CLDN8: variants seen among roughly 807,000 people sequenced by gnomAD.
CLDN8 encodes claudin-8.
A neutral mutation model predicts 2.2 loss-of-function variants in CLDN8; 2 were observed. The observed-to-expected ratio is 0.90, with a 90% CI of 0.37 to 2.82. The LOEUF is 2.82. Ranked by LOEUF, CLDN8 falls within the 30% of genes most tolerant of loss-of-function variation. The probability of loss-of-function intolerance (pLI) is 0.10; values close to 1 mark genes in which losing one functional copy is unlikely to be tolerated. For missense variants in CLDN8, 314 were observed against 280.5 expected (o/e 1.12, Z -0.85); for synonymous variants, 107 against 104.8 (o/e 1.02, Z -0.13).
At position 30,215,784 on chromosome 21, in the gene CLDN8, C is replaced by T; in HGVS notation, c.142G>A (p.Glu48Lys). The T allele has an allele frequency of 1.2e-6, 2 of 1,614,096 alleles. No individual in the cohort carries two copies. The highest frequency in any genetic ancestry group is 1.7e-6 in the Non-Finnish European group (2 of 1,180,000). The change falls in exon 1 of 1, where the codon GAA becomes AAA. Residue 48 changes from glutamate (E) to lysine (K), a missense_variant. Coordinates refer to ENST00000399899, the MANE Select transcript of CLDN8 (RefSeq NM_199328.3). ...NNIVVFENFW[E>K]GLWMNCVRQA... ...CTCACGCAATTCATCCACAGTCCTT[C>T]CCAGAAGTTTTCAAAAACCACGATG...
Position 30,214,214 on chromosome 21 carries a change from A to T in CLDN8, c.*1034T>A, listed in dbSNP as rs776080253. ...AAGAAGGAAATTTATTTTTCACAGA[A>T]CAAAAATGACAATTTTGACTCAGGT... On this transcript the variant is annotated 3_prime_UTR_variant, in exon 1 of 1. Transcript: ENST00000399899. The T allele has an allele frequency of 5.3e-5, 8 of 152,150 alleles. No homozygotes were observed. The highest frequency in any genetic ancestry group is 1.0e-4 in the Non-Finnish European group (7 of 67,990). The allele number at this position is 152,150 out of a possible 1,614,324, so 9.4% of individuals were successfully genotyped here. A position where few individuals can be genotyped will look rare whatever the true frequency, so the allele number is the denominator to read the frequency against.
Position 30,215,588 on chromosome 21 carries a change from T to A in CLDN8, c.338A>T (p.Lys113Met). Residue 113 changes from lysine to methionine, a missense_variant, in exon 1 of 1, where the codon AAG becomes ATG. Lys to Met is a moderately conservative substitution (Grantham distance 95, BLOSUM62 -1). Transcript: ENST00000399899. ...CGTCAGCAGAATGTGAGCCTTCACC[T>A]TCTCATTGTCCCCCGTGCACCTGGT... Reference protein sequence around the residue: ...KCTRCTGDNEKVKAHILLTAG... With the variant: ...KCTRCTGDNEMVKAHILLTAG... 6.2e-7 allele frequency: 1 copy of A among 1,614,114 alleles called. No individual in the cohort carries two copies. The highest frequency in any genetic ancestry group is 1.1e-5 in the South Asian group (1 of 91,076).
rs1601032795 is a variant in CLDN8 at position 30,214,604 on chromosome 21, C to A, written c.*644G>T. 3 of 152,094 alleles carry A rather than the reference C, an allele frequency of 2.0e-5. No individual in the cohort carries two copies. In the East Asian group the frequency reaches 5.8e-4, roughly 29 times the overall value. 9.4% of individuals were successfully genotyped at this position (152,094 alleles called of 1,614,324 possible). On this transcript the variant is annotated 3_prime_UTR_variant, in exon 1 of 1. Coordinates refer to ENST00000399899, the MANE Select transcript of CLDN8 (RefSeq NM_199328.3). ...AATTTAATACACAAGAAAAAAAAAG[C>A]CTCTGGGAGAAGAGGATAAAGAAGT...
Position 30,215,219 on chromosome 21 carries a change from T to G in CLDN8, c.*29A>C, listed in dbSNP as rs747039686. The G allele has an allele frequency of 6.9e-6, 11 of 1,590,688 alleles. No homozygotes were observed. Among genetic ancestry groups the G allele is most frequent in the Non-Finnish European group, 9.5e-6 (11 of 1,162,238 alleles). On this transcript the variant is annotated 3_prime_UTR_variant, in exon 1 of 1. Coordinates refer to ENST00000399899, the MANE Select transcript of CLDN8 (RefSeq NM_199328.3). ...ATAGATTTTTGTCATTTGCATGGCT[T>G]TATAGTAAAGTTAAAAAAACATACA... is the stretch of plus-strand genomic sequence containing the variant.
At position 30,215,762 on chromosome 21, in the gene CLDN8, A is replaced by C. The variant is rs796717455; in HGVS notation, c.164T>G (p.Val55Gly). The part of the protein sequence containing the change: ...NFWEGLWMNC[V>G]RQANIRMQCK... ...CTGCATCCTGATGTTAGCCTGCCTCACGCAATTCATCCACAGTCCTTCCCA... is the reference window on the plus strand; with the variant it reads ...CTGCATCCTGATGTTAGCCTGCCTCCCGCAATTCATCCACAGTCCTTCCCA... The change falls in exon 1 of 1, where the codon GTG (valine) becomes GGG (glycine). Residue 55 changes from valine to glycine, a missense_variant. Transcript: ENST00000399899. The C allele has an allele frequency of 1.2e-6, 2 of 1,614,096 alleles. No homozygotes were observed. Among genetic ancestry groups the C allele is most frequent in the Non-Finnish European group, 1.7e-6 (2 of 1,180,002 alleles).
In CLDN8 at chr21:30,214,885, A is replaced by G. The variant is rs1167823031; in HGVS notation, c.*363T>C. 2 of 187,446 alleles carry G rather than the reference A, an allele frequency of 1.1e-5. No homozygotes were observed. The highest frequency in any genetic ancestry group is 1.1e-4 in the Admixed American group (2 of 18,740). 11.6% of individuals were successfully genotyped at this position (187,446 alleles called of 1,614,324 possible). A position where few individuals can be genotyped will look rare whatever the true frequency, so the allele number is the denominator to read the frequency against. On this transcript the variant is annotated 3_prime_UTR_variant, in exon 1 of 1. Coordinates refer to ENST00000399899, the MANE Select transcript of CLDN8 (RefSeq NM_199328.3). ...AATAAAACCATATAAGCATGTCTCT[A>G]TGTGAGATATAAATGTTACACTCAT...
Position 30,214,895 on chromosome 21 carries a change from T to G in CLDN8, c.*353A>C, listed in dbSNP as rs1333085839. 5.1e-6 allele frequency: 1 copy of G among 194,512 alleles called. No homozygotes were observed. Among genetic ancestry groups the G allele is most frequent in the African/African-American group, 2.3e-5 (1 of 42,678 alleles). 12.0% of individuals were successfully genotyped at this position (194,512 alleles called of 1,614,324 possible). A position where few individuals can be genotyped will look rare whatever the true frequency, so the allele number is the denominator to read the frequency against. On this transcript the variant is annotated 3_prime_UTR_variant, in exon 1 of 1. Transcript: ENST00000399899. ...TATAAGCATGTCTCTATGTGAGATA[T>G]AAATGTTACACTCATCTATGTACAT...
At position 30,215,472 on chromosome 21, in the gene CLDN8, T is replaced by C. The variant is rs369970339; in HGVS notation, c.454A>G (p.Ile152Val). ...TCACGTTTTTGGGCAACATTCACTA[T>C]TGAGTTATAGAAATCTCTGATGATG... The part of the protein sequence containing the change: ...NAIIRDFYNS[I>V]VNVAQKRELG... The change falls in exon 1 of 1, where the codon ATA becomes GTA. Residue 152 changes from isoleucine (I) to valine (V), a missense_variant. Coordinates refer to ENST00000399899, the MANE Select transcript of CLDN8 (RefSeq NM_199328.3). 4.4e-5 allele frequency: 71 copies of C among 1,614,074 alleles called. No homozygotes were observed. Among genetic ancestry groups the C allele is most frequent in the East Asian group, 6.7e-5 (3 of 44,840 alleles).
At position 30,214,399 on chromosome 21, in the gene CLDN8, T is replaced by C. The variant is rs1428998617; in HGVS notation, c.*849A>G. 1 of 152,164 alleles carries C rather than the reference T, an allele frequency of 6.6e-6. No homozygotes were observed. Among genetic ancestry groups the C allele is most frequent in the Admixed American group, 6.5e-5 (1 of 15,270 alleles). The allele number at this position is 152,164 out of a possible 1,614,324, so 9.4% of individuals were successfully genotyped here. On this transcript the variant is annotated 3_prime_UTR_variant, in exon 1 of 1. Coordinates refer to ENST00000399899, the MANE Select transcript of CLDN8 (RefSeq NM_199328.3). The stretch of plus-strand genomic sequence containing the variant: ...ATACTTATTAAAATATATCCATACA[T>C]ATATGATTTCTTGTCAAAATGCATC...
In CLDN8 at chr21:30,215,921, G is replaced by C; in HGVS notation, c.5C>G (p.Ala2Gly). 1.3e-6 allele frequency: 2 copies of C among 1,599,674 alleles called. No homozygotes were observed. Among genetic ancestry groups the C allele is most frequent in the Non-Finnish European group, 1.7e-6 (2 of 1,172,850 alleles). Residue 2 changes from alanine to glycine, a missense_variant, in exon 1 of 1, where the codon GCA becomes GGA. Coordinates refer to ENST00000399899, the MANE Select transcript of CLDN8 (RefSeq NM_199328.3). The part of the protein sequence containing the change: M[A>G]THALEIAGLF... The stretch of plus-strand genomic sequence containing the variant: ...CCCAGCGATTTCTAAGGCATGGGTT[G>C]CCATTATCCTCTGGGATGAGTTTTA...
In CLDN8 at chr21:30,215,357, T is replaced by A; in HGVS notation, c.569A>T (p.Glu190Val). The change falls in exon 1 of 1, where the codon GAA becomes GTA. Residue 190 changes from glutamate (E) to valine (V), a missense_variant. Coordinates refer to ENST00000399899, the MANE Select transcript of CLDN8 (RefSeq NM_199328.3). ...ALFCCVFCCN[E>V]KSSSYRYSIP... is the part of the protein sequence containing the mutation. The stretch of plus-strand genomic sequence containing the variant: ...CGAGTATCTGTAGCTACTGCTCTTT[T>A]CGTTGCAACAAAAAACGCAGCAGAA... 1 of 1,614,192 alleles carries A rather than the reference T, an allele frequency of 6.2e-7. No homozygotes were observed.
rs1288663513 is a variant in CLDN8, at chr21:30,215,992, C to T, written c.-67G>A. ...GCTACTTCTGCTTTGAAGCAGGGTT[C>T]TCTGTGCCACAGAAGAGAACAGTTT... is the stretch of plus-strand genomic sequence containing the variant. On this transcript the variant is annotated 5_prime_UTR_variant, in exon 1 of 1. Coordinates refer to ENST00000399899, the MANE Select transcript of CLDN8 (RefSeq NM_199328.3). 1.4e-6 allele frequency: 2 copies of T among 1,387,352 alleles called. No individual in the cohort carries two copies. Among genetic ancestry groups the T allele is most frequent in the African/African-American group, 2.9e-5 (2 of 69,132 alleles). 85.9% of individuals were successfully genotyped at this position (1,387,352 alleles called of 1,614,324 possible).
In CLDN8 at chr21:30,215,759, C is replaced by T. The variant is rs1333849282; in HGVS notation, c.167G>A (p.Arg56Lys). Residue 56 changes from arginine (R) to lysine (K), a missense_variant, in exon 1 of 1, where the codon AGG becomes AAG. By Grantham distance (26) the Arg-to-Lys change is conservative. Transcript: ENST00000399899. Reference protein sequence around the residue: ...FWEGLWMNCVRQANIRMQCKI... With the variant: ...FWEGLWMNCVKQANIRMQCKI... ...GCACTGCATCCTGATGTTAGCCTGC[C>T]TCACGCAATTCATCCACAGTCCTTC... is the stretch of plus-strand genomic sequence containing the variant. 1.2e-6 allele frequency: 2 copies of T among 1,613,986 alleles called. No individual in the cohort carries two copies. Among genetic ancestry groups the T allele is most frequent in the African/African-American group, 1.3e-5 (1 of 74,896 alleles).
chr21:30,215,019 T>C lies in CLDN8; in HGVS notation c.*229A>G, dbSNP rs1215810245. The stretch of plus-strand genomic sequence containing the variant: ...AAAAAGAGTAGATGCTTGAACCACC[T>C]TAGAAAACAAATTACTATACTTTCT... On this transcript the variant is annotated 3_prime_UTR_variant, in exon 1 of 1. Transcript: ENST00000399899. 1 of 502,174 alleles carries C rather than the reference T, an allele frequency of 2.0e-6. No homozygotes were observed. Among genetic ancestry groups the C allele is most frequent in the Non-Finnish European group, 3.5e-6 (1 of 283,440 alleles). The allele number at this position is 502,174 out of a possible 1,614,324, so 31.1% of individuals were successfully genotyped here.
rs1446523028 is a variant in CLDN8, at chr21:30,216,010, AAC to A, written c.-87_-86del. The A allele has an allele frequency of 8.7e-6, 11 of 1,266,100 alleles. No homozygotes were observed. Among genetic ancestry groups the A allele is most frequent in the African/African-American group, 4.5e-5 (3 of 66,756 alleles). The allele number at this position is 1,266,100 out of a possible 1,614,324, so 78.4% of individuals were successfully genotyped here. On this transcript the variant is annotated 5_prime_UTR_variant, in exon 1 of 1. Coordinates refer to ENST00000399899, the MANE Select transcript of CLDN8 (RefSeq NM_199328.3). Reference sequence around the variant, plus strand: ...CAGGGTTCTCTGTGCCACAGAAGAGAACAGTTTTTCCTGTAGTAATGAACTCG... The same window carrying A: ...CAGGGTTCTCTGTGCCACAGAAGAGAAGTTTTTCCTGTAGTAATGAACTCG...
rs1210886475 is a variant in CLDN8 at position 30,214,648 on chromosome 21, G to A, written c.*600C>T. The A allele has an allele frequency of 1.3e-5, 2 of 152,396 alleles. No individual in the cohort carries two copies. The highest frequency in any genetic ancestry group is 2.9e-5 in the Non-Finnish European group (2 of 67,980). The allele number at this position is 152,396 out of a possible 1,614,324, so 9.4% of individuals were successfully genotyped here. On this transcript the variant is annotated 3_prime_UTR_variant, in exon 1 of 1. Coordinates refer to ENST00000399899, the MANE Select transcript of CLDN8 (RefSeq NM_199328.3). ...AAGAAGTTAGGATTTCTAACTCCTA[G>A]GCTAAAAAACAGCATATCAGAAAGC... is the stretch of plus-strand genomic sequence containing the variant.
chr21:30,215,031 TTACTA>T lies in CLDN8; in HGVS notation c.*212_*216del. 1.9e-6 allele frequency: 1 copy of T among 521,898 alleles called. No individual in the cohort carries two copies. 32.3% of individuals were successfully genotyped at this position (521,898 alleles called of 1,614,324 possible). ...TGCTTGAACCACCTTAGAAAACAAA[TTACTA>T]TACTTTCTAGAACAATCAAAGCATT... is the stretch of plus-strand genomic sequence containing the variant. On this transcript the variant is annotated 3_prime_UTR_variant, in exon 1 of 1. Coordinates refer to ENST00000399899, the MANE Select transcript of CLDN8 (RefSeq NM_199328.3).
Position 30,214,723 on chromosome 21 carries a change from T to C in CLDN8, c.*525A>G, listed in dbSNP as rs1978890873. The C allele has an allele frequency of 6.5e-6, 1 of 152,946 alleles. No homozygotes were observed. Among genetic ancestry groups the C allele is most frequent in the Non-Finnish European group, 1.5e-5 (1 of 68,260 alleles). 9.5% of individuals were successfully genotyped at this position (152,946 alleles called of 1,614,324 possible). A position where few individuals can be genotyped will look rare whatever the true frequency, so the allele number is the denominator to read the frequency against. ...ATTAAAGCCTTCATTTTAATCTTCA[T>C]TATAAATGGAGGACATTAATCCCTA... On this transcript the variant is annotated 3_prime_UTR_variant, in exon 1 of 1. Coordinates refer to ENST00000399899, the MANE Select transcript of CLDN8 (RefSeq NM_199328.3).
Position 30,215,670 on chromosome 21 carries a change from C to T in CLDN8, c.256G>A (p.Ala86Thr), listed in dbSNP as rs752672377. The T allele has an allele frequency of 7.4e-6, 12 of 1,614,024 alleles. No individual in the cohort carries two copies. The Admixed American group carries it at 1.5e-4, about 20-fold the overall frequency. Residue 86 changes from alanine (A) to threonine (T), a missense_variant, in exon 1 of 1, where the codon GCT (alanine) becomes ACT (threonine). Coordinates refer to ENST00000399899, the MANE Select transcript of CLDN8 (RefSeq NM_199328.3). ...GCCAAGAAGGACATCACGGAAGCAG[C>T]ACACATCAGTCCTCTGGCTGCCTGT... ...DLQAARGLMCAASVMSFLAFM... is the reference protein window; with the variant it reads ...DLQAARGLMCTASVMSFLAFM...
Sources: allele counts gnomAD v4.1 joint callset, GRCh38; gene constraint gnomAD v4.1.1; transcripts MANE v1.5; gene names NCBI Gene and HGNC (gene_info 2026-07-23, HGNC 2026-07-21).